RCAN1: variants seen among roughly 807,000 people sequenced by gnomAD.
RCAN1 encodes calcipressin-1.
In RCAN1, 11 loss-of-function variants were observed where a neutral mutation model predicts 22.9. That is an observed-to-expected ratio of 0.48 (90% CI 0.30 to 0.79). RCAN1 has a LOEUF of 0.79. Ranked by LOEUF, RCAN1 falls within the 30% of genes least tolerant of loss-of-function variation. The pLI is 0.06. For synonymous variants in RCAN1, 136 were observed against 142.3 expected (o/e 0.96, Z 0.32); for missense variants, 291 against 337.8 (o/e 0.86, Z 1.09).
chr21:34,605,692 C>T (rs1376689057), intron 1 of RCAN1, among the ~76,000 whole-genome samples: 13 of 151,986 alleles, frequency 8.6e-5, no homozygotes, highest in Admixed American at 3.9e-4. Context: ...GAGGCCGAGG[C>T]GGGTGGATCA....
intron 1 of RCAN1, among the ~76,000 whole-genome samples, chr21:34,563,770 A>AATATATATATAT (rs1199194939): frequency 1.5e-5 from 1 of 65,442 alleles, no homozygotes; most frequent in African/African-American, 6.9e-5. Flanking sequence ...AAAAAAAAAA[A>AATATATATATAT]ATATATATAT....
chr21:34,582,211 C>T (rs1158244069), intron 1 of RCAN1, among the ~76,000 whole-genome samples: 2 of 152,272 alleles, frequency 1.3e-5, no homozygotes, highest in Admixed American at 1.3e-4. Flanking sequence ...TTCTTAGGTA[C>T]TAAGAACTTC....
intron 1 of RCAN1, among the ~76,000 whole-genome samples, chr21:34,581,006 A>C (rs1987587557): frequency 6.6e-6 from 1 of 152,234 alleles, no homozygotes; most frequent in East Asian, 1.9e-4. Context: ...AATGTTCTTT[A>C]GACAAGCACT....
At chr21:34,547,033 T>A (rs1364656583) in intron 1 of RCAN1, among the ~76,000 whole-genome samples, 1 of 152,202 alleles carries the variant, frequency 6.6e-6, no homozygotes, top group African/African-American at 2.4e-5. Flanking sequence ...TTGCAAGGTC[T>A]CCAGTGAGTA....
intron 1 of RCAN1, among the ~76,000 whole-genome samples, chr21:34,546,582 C>T (rs1050160330): frequency 6.6e-6 from 1 of 152,126 alleles, no homozygotes; most frequent in Non-Finnish European, 1.5e-5. Flanking sequence ...CAATCGCTGT[C>T]GCTTAAAAGC....
chr21:34,527,222 G>A (rs746800515), intron 1 of RCAN1, among the ~76,000 whole-genome samples: 4 of 152,224 alleles, frequency 2.6e-5, no homozygotes, highest in East Asian at 3.9e-4. Context: ...GAAGGTCTGT[G>A]GCAATAAACA....
chr21:34,559,279 C>G (rs1316198540), intron 1 of RCAN1: 13 of 152,194 alleles, frequency 8.5e-5, no homozygotes, highest in Admixed American at 8.5e-4. Context: ...ATTCACAGCG[C>G]AGGAGTCTTT....
intron 1 of RCAN1, among the ~76,000 whole-genome samples, chr21:34,592,710 A>T (rs541576042): frequency 2.6e-5 from 4 of 152,194 alleles, no homozygotes; most frequent in African/African-American, 9.6e-5. Flanking sequence ...GAACCCAATC[A>T]TCTGTTTCTT....
intron 1 of RCAN1, among the ~76,000 whole-genome samples, chr21:34,597,968 T>C (rs979360820): frequency 2.0e-5 from 3 of 152,090 alleles, no homozygotes; most frequent in African/African-American, 7.2e-5. Flanking sequence ...ATCTAAAACA[T>C]AAATACAAAT....
Position 34,519,280 on chromosome 21 carries a change from C to A in RCAN1, c.587-1024G>T, listed in dbSNP as rs1265064737. On this transcript the variant is annotated intron_variant, in intron 3 of 3. Coordinates refer to ENST00000313806, the MANE Select transcript of RCAN1 (RefSeq NM_004414.7). ...GCTGGGCAGGGATCTGAAATAGGGG[C>A]AGGAGGTTTGCTTCAACCTGCTCCA... Among the ~76,000 whole-genome samples the A allele has an allele frequency of 2.6e-5, 4 of 152,276 alleles. No homozygotes were observed. The East Asian group carries it at 7.7e-4, about 29-fold the overall frequency.
chr21:34,529,935 T>C (rs955623604), intron 1 of RCAN1, among the ~76,000 whole-genome samples: 1 of 152,230 alleles, frequency 6.6e-6, no homozygotes, highest in Non-Finnish European at 1.5e-5. Flanking sequence ...GTTTTCACTT[T>C]TGCTTTCTCA....
chr21:34,584,878 C>A (rs7278420), intron 1 of RCAN1, among the ~76,000 whole-genome samples: 6,420 of 152,214 alleles, frequency 0.042, 435 homozygotes, highest in African/African-American at 0.14. Context: ...ACTAACCACC[C>A]GTCCTTAATC....
intron 1 of RCAN1, among the ~76,000 whole-genome samples, chr21:34,542,334 T>C (rs916148995): frequency 4.6e-5 from 7 of 152,132 alleles, no homozygotes; most frequent in Non-Finnish European, 7.4e-5. Flanking sequence ...GTTTAGGTCA[T>C]AAAAAGCCAT....
chr21:34,562,267 G>C (rs1000342036), intron 1 of RCAN1, among the ~76,000 whole-genome samples: 2 of 152,172 alleles, frequency 1.3e-5, no homozygotes, highest in African/African-American at 4.8e-5. Context: ...ACATCTTTTG[G>C]TACATTCTTA....
At chr21:34,543,780 C>T (rs1986016455) in intron 1 of RCAN1, among the ~76,000 whole-genome samples, 1 of 152,166 alleles carries the variant, frequency 6.6e-6, no homozygotes, top group South Asian at 2.1e-4. Flanking sequence ...GGCCAAAGCT[C>T]AGGCTTGGGT....
At chr21:34,595,095 C>T (rs1988102946) in intron 1 of RCAN1, among the ~76,000 whole-genome samples, 1 of 152,236 alleles carries the variant, frequency 6.6e-6, no homozygotes. Context: ...TGCATTCACA[C>T]TTCTAGGCAG....
chr21:34,561,079 C>T (rs1373220765), intron 1 of RCAN1, among the ~76,000 whole-genome samples: 1 of 152,156 alleles, frequency 6.6e-6, no homozygotes, highest in Non-Finnish European at 1.5e-5. Flanking sequence ...ATTTCCCCTG[C>T]TTGCACTCAC....
At chr21:34,606,806 C>T (rs1401221821) in intron 1 of RCAN1, among the ~76,000 whole-genome samples, 2 of 152,126 alleles carry the variant, frequency 1.3e-5, no homozygotes, top group African/African-American at 4.8e-5. Flanking sequence ...CCATCTGCAG[C>T]CCAGAGGAGA....
At chr21:34,596,787 A>G (rs1988173326) in intron 1 of RCAN1, among the ~76,000 whole-genome samples, 1 of 152,078 alleles carries the variant, frequency 6.6e-6, no homozygotes, top group Non-Finnish European at 1.5e-5. Context: ...TCTTGCGAGA[A>G]CCTTTGCACT....
Sources: gnomAD v4.1 joint callset for allele counts (sites outside exome capture counted in the v4.1 genomes callset) on GRCh38, gnomAD v4.1.1 for gene constraint, MANE v1.5 for transcripts, NCBI Gene and HGNC (gene_info 2026-07-23, HGNC 2026-07-21) for gene names.